NAALADL2: variants seen among roughly 807,000 people sequenced by gnomAD.
NAALADL2 encodes the protein N-acetylated alpha-linked acidic dipeptidase like 2, also known as inactive N-acetylated-alpha-linked acidic dipeptidase-like protein 2.
NAALADL2 carries 76 observed loss-of-function variants against 87.2 expected under a neutral mutation model. The ratio of observed to expected loss-of-function variants is 0.87; its 90% confidence interval spans 0.72 to 1.05. The LOEUF is 1.05. Among genes scored for constraint, NAALADL2 ranks in the 50% least tolerant of loss-of-function variants. NAALADL2 has a pLI of 0.00. For missense variants in NAALADL2, 1,089 were observed against 945.8 expected (o/e 1.15, Z -1.99); for synonymous variants, 354 against 331.0 (o/e 1.07, Z -0.75).
intron 1 of NAALADL2, among the ~76,000 whole-genome samples, chr3:174,912,014 A>G (rs951574839): frequency 6.6e-6 from 1 of 152,138 alleles, no homozygotes; most frequent in Non-Finnish European, 1.5e-5. Flanking sequence ...TTTTCCCATT[A>G]TAACAGTTGC....
chr3:174,447,541 G>A (rs1044349491), intron 1 of NAALADL2, among the ~76,000 whole-genome samples: 1 of 152,152 alleles, frequency 6.6e-6, no homozygotes, highest in Admixed American at 6.5e-5. Flanking sequence ...AATTTGGCCG[G>A]GCGAGGTGGC....
At chr3:175,249,871 G>C (rs1281415665) in intron 3 of NAALADL2, among the ~76,000 whole-genome samples, 1 of 152,058 alleles carries the variant, frequency 6.6e-6, no homozygotes, top group Admixed American at 6.6e-5. Flanking sequence ...GTCCTGATCT[G>C]ATAAGATTAT....
chr3:174,987,087 T>A (rs1745977866), intron 1 of NAALADL2, among the ~76,000 whole-genome samples: 1 of 152,172 alleles, frequency 6.6e-6, no homozygotes, highest in South Asian at 2.1e-4. Context: ...GTTAAGAGTA[T>A]TTTGATCAAT....
intron 9 of NAALADL2, among the ~76,000 whole-genome samples, chr3:175,472,201 C>A (rs1429094999): frequency 2.6e-5 from 4 of 151,378 alleles, no homozygotes; most frequent in Admixed American, 6.6e-5. Flanking sequence ...ATAGTGATAA[C>A]TAAATTTAAA....
chr3:175,720,234 A>G lies in NAALADL2; in HGVS notation c.1897-17072A>G, dbSNP rs1243612571. On this transcript the variant is annotated intron_variant, in intron 11 of 13. Transcript: ENST00000454872. Reference sequence around the variant, plus strand: ...ACAATCGATGCTGAAATAAACTATAAGAGTTTTTTGAAATTATTAAATAAT... The same window carrying G: ...ACAATCGATGCTGAAATAAACTATAGGAGTTTTTTGAAATTATTAAATAAT... Among the ~76,000 whole-genome samples the G allele has an allele frequency of 2.0e-5, 3 of 151,632 alleles. No individual in the cohort carries two copies. In the East Asian group the frequency reaches 5.8e-4, roughly 29 times the overall value.
chr3:175,449,505 C>T (rs1167408107), intron 6 of NAALADL2, among the ~76,000 whole-genome samples: 2 of 150,328 alleles, frequency 1.3e-5, no homozygotes, highest in Non-Finnish European at 3.0e-5. Context: ...ACACCATTCT[C>T]GCCTCAGCCT....
intron 2 of NAALADL2, among the ~76,000 whole-genome samples, chr3:174,668,946 G>T (rs903945215): frequency 3.9e-5 from 6 of 152,132 alleles, no homozygotes; most frequent in Non-Finnish European, 7.3e-5. Flanking sequence ...GTAATGGGAT[G>T]GCTGAGTCAA....
intron 2 of NAALADL2, among the ~76,000 whole-genome samples, chr3:174,557,196 T>C (rs1233253308): frequency 3.9e-5 from 6 of 152,164 alleles, no homozygotes; most frequent in Admixed American, 2.6e-4. Context: ...GCCTTTTTAC[T>C]CTAATAATAA....
intron 5 of NAALADL2, among the ~76,000 whole-genome samples, chr3:175,410,794 G>T (rs1713364699): frequency 6.6e-6 from 1 of 152,134 alleles, no homozygotes; most frequent in South Asian, 2.1e-4. Flanking sequence ...AACTCGGCAG[G>T]TGGTTCAGAT....
chr3:175,601,234 G>A (rs1186001861), intron 10 of NAALADL2, among the ~76,000 whole-genome samples: 3 of 151,942 alleles, frequency 2.0e-5, no homozygotes, highest in Non-Finnish European at 2.9e-5. Context: ...TACTTTTAAT[G>A]TTTTAAACTA....
At chr3:175,717,298 A>G (rs1741441894) in intron 11 of NAALADL2, among the ~76,000 whole-genome samples, 1 of 152,190 alleles carries the variant, frequency 6.6e-6, no homozygotes, top group Non-Finnish European at 1.5e-5. Flanking sequence ...ACCTGGGCAC[A>G]AGATTTTGAA....
chr3:174,711,887 C>T (rs923105494), intron 2 of NAALADL2, among the ~76,000 whole-genome samples: 1 of 152,162 alleles, frequency 6.6e-6, no homozygotes, highest in Non-Finnish European at 1.5e-5. Context: ...GTAACCTCTG[C>T]CTCCTGGGTT....
intron 10 of NAALADL2, among the ~76,000 whole-genome samples, chr3:175,617,897 C>G (rs551248468): frequency 6.6e-6 from 1 of 152,220 alleles, no homozygotes; most frequent in Admixed American, 6.5e-5. Flanking sequence ...TACGTAAGCC[C>G]TCCAGTATGC....
At position 175,411,222 on chromosome 3, in the gene NAALADL2, A is replaced by C. The variant is rs145772941; in HGVS notation, c.1091-36007A>C. ...CAGAGGAGGTGGCCTATAATTTACT[A>C]GTTTCTGCATGCAAAAATAGGTGAA... On this transcript the variant is annotated intron_variant, in intron 5 of 13. Coordinates refer to ENST00000454872, the MANE Select transcript of NAALADL2 (RefSeq NM_207015.3). Among the ~76,000 whole-genome samples, 837 of 152,266 alleles carry C rather than the reference A, an allele frequency of 5.5e-3. 8 individuals carry two copies. Among genetic ancestry groups the C allele is most frequent in the African/African-American group, 0.019 (800 of 41,548 alleles).
chr3:175,713,495 G>T (rs1419706577), intron 11 of NAALADL2, among the ~76,000 whole-genome samples: 1 of 152,034 alleles, frequency 6.6e-6, no homozygotes, highest in African/African-American at 2.4e-5. Flanking sequence ...TGTGTCTGGG[G>T]AATTGGCTGC....
At chr3:175,327,718 TG>T (rs144960321) in intron 5 of NAALADL2, among the ~76,000 whole-genome samples, 3 of 151,776 alleles carry the variant, frequency 2.0e-5, no homozygotes, top group Non-Finnish European at 2.9e-5. Context: ...GATAAATAAA[TG>T]GGGGGAAGTT....
At chr3:175,265,070 T>A (rs1328644369) in intron 4 of NAALADL2, among the ~76,000 whole-genome samples, 1 of 151,670 alleles carries the variant, frequency 6.6e-6, no homozygotes, top group Non-Finnish European at 1.5e-5. Flanking sequence ...TTTAATCATA[T>A]GGAAAGATTT....
intron 11 of NAALADL2, among the ~76,000 whole-genome samples, chr3:175,680,843 A>G (rs572603985): frequency 6.6e-6 from 1 of 152,182 alleles, no homozygotes; most frequent in Non-Finnish European, 1.5e-5. Flanking sequence ...GGCCGGGCAC[A>G]GTAGCTCACG....
chr3:175,136,711 T>G (rs1729172380), intron 2 of NAALADL2, among the ~76,000 whole-genome samples: 1 of 152,078 alleles, frequency 6.6e-6, no homozygotes, highest in Non-Finnish European at 1.5e-5. Flanking sequence ...TGCTTTAAAA[T>G]CTGCTACCAA....
Sources: allele counts gnomAD v4.1 joint callset (sites outside exome capture counted in the v4.1 genomes callset), GRCh38; gene constraint gnomAD v4.1.1; transcripts MANE v1.5; gene names NCBI Gene and HGNC (gene_info 2026-07-23, HGNC 2026-07-21).